Variants in GRIK4 observed in about 807,000 individuals in gnomAD.
The protein encoded by GRIK4 is glutamate ionotropic receptor kainate type subunit 4.
In GRIK4, 40 loss-of-function variants were observed where a neutral mutation model predicts 104.9. That is an observed-to-expected ratio of 0.38 (90% confidence interval 0.30 to 0.50). GRIK4 has a LOEUF of 0.50. Ranked by LOEUF, GRIK4 falls within the 20% of genes least tolerant of loss-of-function variation. GRIK4 has a pLI of 0.93. For synonymous variants in GRIK4, 485 were observed against 524.9 expected (o/e 0.92, Z 1.04); for missense variants, 1,047 against 1,308.1 (o/e 0.80, Z 3.08).
chr11:120,864,964 T>C (rs1954368588), intron 9 of GRIK4, among the ~76,000 whole-genome samples: 1 of 152,244 alleles, frequency 6.6e-6, no homozygotes, highest in Admixed American at 6.5e-5. Flanking sequence ...CAGATTCTTT[T>C]TCCATAACTT....
intron 5 of GRIK4, among the ~76,000 whole-genome samples, chr11:120,817,563 G>C (rs1952993561): frequency 6.6e-6 from 1 of 152,218 alleles, no homozygotes; most frequent in Non-Finnish European, 1.5e-5. Flanking sequence ...TGCAGCCCTT[G>C]TGGCTGGCTG....
chr11:120,858,543 T>C (rs1310961406), intron 8 of GRIK4: 1 of 152,228 alleles, frequency 6.6e-6, no homozygotes, highest in Non-Finnish European at 1.5e-5. Context: ...AACCAGCTGC[T>C]TCACTGCTGG....
At chr11:120,660,457 G>A in intron 3 of GRIK4, 57 bp downstream of exon 3, 1 of 1,338,978 alleles carries the variant, frequency 7.5e-7, no homozygotes, top group Non-Finnish European at 1.1e-6. Flanking sequence ...GTGTCCACAA[G>A]GGACATGAGA....
At chr11:120,894,401 A>C (rs1169309723) in intron 11 of GRIK4, 1 of 152,250 alleles carries the variant, frequency 6.6e-6, no homozygotes, top group African/African-American at 2.4e-5. Flanking sequence ...TGCAACACCC[A>C]AGGATGAAGT....
At chr11:120,772,400 A>G (rs1040012806) in intron 3 of GRIK4, among the ~76,000 whole-genome samples, 4 of 152,190 alleles carry the variant, frequency 2.6e-5, no homozygotes, top group African/African-American at 9.7e-5. Flanking sequence ...TCAAATAAAA[A>G]TTAGATTTTC....
rs1462500548 is a variant in GRIK4 at position 120,513,885 on chromosome 11, G to T, written c.-159+1998G>T. Among the ~76,000 whole-genome samples, 5 of 152,220 alleles carry T rather than the reference G, an allele frequency of 3.3e-5. No individual in the cohort carries two copies. Among genetic ancestry groups the T allele is most frequent in the Non-Finnish European group, 7.3e-5 (5 of 68,036 alleles). On this transcript the variant is annotated intron_variant, in intron 1 of 20. Coordinates refer to ENST00000527524, the MANE Select transcript of GRIK4 (RefSeq NM_014619.5). The surrounding 1 kb of genome is among the most constrained non-coding windows in gnomAD (Gnocchi z 4.5). ...GGTGGCTGCTGTCTTCCCCAGCAAT[G>T]AAAATTCTTCCGAGAGCCTGGGTCG...
chr11:120,882,293 A>T (rs1423386301), intron 11 of GRIK4, among the ~76,000 whole-genome samples: 7 of 152,122 alleles, frequency 4.6e-5, no homozygotes, highest in Non-Finnish European at 1.0e-4. Context: ...TGTCTAATAC[A>T]TTTTCAATTT....
intron 3 of GRIK4, among the ~76,000 whole-genome samples, chr11:120,710,997 T>TTG (rs1555046760): frequency 1.6e-5 from 2 of 124,864 alleles, no homozygotes; most frequent in African/African-American, 7.3e-5. Context: ...CCCTGTGAGG[T>TTG]GGGGAGGGGG....
At chr11:120,699,327 G>A (rs1950510884) in intron 3 of GRIK4, among the ~76,000 whole-genome samples, 1 of 152,192 alleles carries the variant, frequency 6.6e-6, no homozygotes, top group African/African-American at 2.4e-5. Flanking sequence ...ATGGAGGGCT[G>A]GTGGTCACAG....
intron 1 of GRIK4, among the ~76,000 whole-genome samples, chr11:120,646,904 A>C (rs1022330247): frequency 6.6e-6 from 1 of 152,252 alleles, no homozygotes; most frequent in African/African-American, 2.4e-5. Flanking sequence ...CTGGTGAAGT[A>C]GGCAGGGCAG....
At chr11:120,779,845 A>G (rs56138027) in intron 3 of GRIK4, among the ~76,000 whole-genome samples, 54 of 152,344 alleles carry the variant, frequency 3.5e-4, no homozygotes, top group Non-Finnish European at 7.5e-4. Context: ...ACTTTATAGA[A>G]CATTCCACAA....
At chr11:120,676,138 G>C (rs190631727) in intron 3 of GRIK4, among the ~76,000 whole-genome samples, 2 of 152,292 alleles carry the variant, frequency 1.3e-5, no homozygotes, top group Admixed American at 1.3e-4. Flanking sequence ...AGAGGCCGCT[G>C]CATCCCCTGG....
chr11:120,536,928 G>A (rs971671789), intron 1 of GRIK4, among the ~76,000 whole-genome samples: 2 of 152,248 alleles, frequency 1.3e-5, no homozygotes, highest in African/African-American at 2.4e-5. Context: ...CGCCTGCTGA[G>A]GAGGCGGCCA....
At chr11:120,809,489 G>C (rs1176908267) in intron 4 of GRIK4, among the ~76,000 whole-genome samples, 2 of 152,228 alleles carry the variant, frequency 1.3e-5, no homozygotes, top group Non-Finnish European at 2.9e-5. Context: ...CGAAAGACCA[G>C]TTCCCAGATC....
intron 3 of GRIK4, among the ~76,000 whole-genome samples, chr11:120,688,107 C>G (rs998986031): frequency 5.3e-5 from 8 of 152,170 alleles, no homozygotes; most frequent in African/African-American, 1.9e-4. Context: ...TTCTCAGCCT[C>G]TCATCCTGGG....
rs187549256 is a variant in GRIK4, at chr11:120,903,685, C to T, written c.1273-1605C>T. On this transcript the variant is annotated intron_variant, in intron 12 of 20. Coordinates refer to ENST00000527524, the MANE Select transcript of GRIK4 (RefSeq NM_014619.5). This position sits in a 1 kb window ranked among gnomAD's most constrained non-coding sequence, Gnocchi z 4.4. ...CACAGAATTGGGTGGGCCCCTGGGACCCCCAGCCCTGCTGTTTGCGGTGGG... is the reference window on the plus strand; with the variant it reads ...CACAGAATTGGGTGGGCCCCTGGGATCCCCAGCCCTGCTGTTTGCGGTGGG... Among the ~76,000 whole-genome samples the T allele has an allele frequency of 5.3e-5, 8 of 152,334 alleles. No individual in the cohort carries two copies. In the East Asian group the frequency reaches 1.2e-3, roughly 22 times the overall value.
At chr11:120,878,408 A>G (rs1954875564) in intron 11 of GRIK4, among the ~76,000 whole-genome samples, 1 of 152,146 alleles carries the variant, frequency 6.6e-6, no homozygotes, top group African/African-American at 2.4e-5. Flanking sequence ...CTAGTAGAAG[A>G]GTGTTCGTGA....
At chr11:120,741,025 T>C (rs1007101277) in intron 3 of GRIK4, among the ~76,000 whole-genome samples, 2 of 152,096 alleles carry the variant, frequency 1.3e-5, no homozygotes, top group Non-Finnish European at 2.9e-5. Flanking sequence ...GGATAGTGTG[T>C]GTGAGGGGCA....
chr11:120,770,141 G>A (rs990271796), intron 3 of GRIK4, among the ~76,000 whole-genome samples: 1 of 152,168 alleles, frequency 6.6e-6, no homozygotes, highest in Non-Finnish European at 1.5e-5. Flanking sequence ...TAGCTTTGCA[G>A]TCCCCATGGG....
Sources: allele counts gnomAD v4.1 joint callset (sites outside exome capture counted in the v4.1 genomes callset), GRCh38; gene constraint gnomAD v4.1.1; non-coding constraint Gnocchi (gnomAD v3.1); transcripts MANE v1.5; gene names NCBI Gene and HGNC (gene_info 2026-07-23, HGNC 2026-07-21).